Variants in FCRL1 observed in about 807,000 individuals in gnomAD.
The protein encoded by FCRL1 is Fc receptor-like protein 1.
FCRL1 carries 34 observed loss-of-function variants against 49.2 expected under a neutral mutation model. The observed-to-expected ratio is 0.69, with a 90% CI of 0.53 to 0.92. The LOEUF (loss-of-function observed/expected upper bound fraction) is 0.92, where lower values mean the gene tolerates loss of function less well. Ranked by LOEUF, FCRL1 falls within the 40% of genes least tolerant of loss-of-function variation. The pLI is 0.00. For synonymous variants in FCRL1, 218 were observed against 201.6 expected (o/e 1.08, Z -0.69); for missense variants, 524 against 524.1 (o/e 1.00, Z 0.00).
chr1:157,812,027 C>T (rs1654393262), intron 1 of FCRL1, among the ~76,000 whole-genome samples: 1 of 152,170 alleles, frequency 6.6e-6, no homozygotes, highest in Non-Finnish European at 1.5e-5. Context: ...GCCTCCTTGG[C>T]ATATGACCCA....
Position 157,801,511 on chromosome 1 carries a change from C to A in FCRL1, c.953G>T (p.Gly318Val), listed in dbSNP as rs1267108868. The change falls in exon 6 of 11, where the codon GGT (glycine) becomes GTT (valine). Residue 318 changes from glycine (G) to valine (V), a missense_variant. Gly to Val is a moderately radical substitution (Grantham distance 109). Coordinates refer to ENST00000368176, the MANE Select transcript of FCRL1 (RefSeq NM_052938.5). ...GVIEGLLSTL[G>V]PATVALLFCY... ...AAATAATAAGGCCACGGTGGCTGGA[C>A]CAAGGGTGCTGAGCAGCCCCTCAAT... 6.2e-7 allele frequency: 1 copy of A among 1,614,056 alleles called. No individual in the cohort carries two copies. The highest frequency in any genetic ancestry group is 8.5e-7 in the Non-Finnish European group (1 of 1,179,986).
intron 1 of FCRL1, among the ~76,000 whole-genome samples, chr1:157,814,716 T>C (rs1654797698): frequency 6.6e-6 from 1 of 151,938 alleles, no homozygotes; most frequent in Non-Finnish European, 1.5e-5. Context: ...ATATTCTGCC[T>C]ACAAGAAACT....
Position 157,797,865 on chromosome 1 carries a change from C to T in FCRL1, c.1186+3G>A. ...GAGACAAATTTACTCCCCCATGTCT[C>T]ACCTGCTACTGATTCCTGCTCCGGC... On this transcript the variant is annotated splice_donor_region_variant and intron_variant, in intron 9 of 10. Coordinates refer to ENST00000368176, the MANE Select transcript of FCRL1 (RefSeq NM_052938.5). The T allele has an allele frequency of 1.2e-6, 2 of 1,614,196 alleles. No homozygotes were observed. Among genetic ancestry groups the T allele is most frequent in the Non-Finnish European group, 1.7e-6 (2 of 1,180,020 alleles).
At chr1:157,804,250 C>CA (rs964555772) in intron 2 of FCRL1, 139 bp from the exon 3 acceptor site, 10 of 977,158 alleles carry the variant, frequency 1.0e-5, no homozygotes, top group Non-Finnish European at 1.3e-5. Flanking sequence ...GTCTCCACCC[C>CA]CCCCCCAGTG....
chr1:157,796,025 G>T lies in FCRL1; in HGVS notation c.*74C>A. On this transcript the variant is annotated 3_prime_UTR_variant, in exon 11 of 11. Coordinates refer to ENST00000368176, the MANE Select transcript of FCRL1 (RefSeq NM_052938.5). The stretch of plus-strand genomic sequence containing the variant: ...GTATACTGGAAAGCTAATGCCCCAG[G>T]ATCTCTGAAGAACATATCAGGCCTG... The T allele has an allele frequency of 8.1e-7, 1 of 1,234,566 alleles. No individual in the cohort carries two copies. Among genetic ancestry groups the T allele is most frequent in the Non-Finnish European group, 1.2e-6 (1 of 835,076 alleles). The allele number at this position is 1,234,566 out of a possible 1,614,324, so 76.5% of individuals were successfully genotyped here.
intron 2 of FCRL1, among the ~76,000 whole-genome samples, chr1:157,804,731 G>C (rs1168138816): frequency 2.0e-5 from 3 of 152,122 alleles, no homozygotes; most frequent in Admixed American, 6.5e-5. Context: ...GAAATGCCCA[G>C]TACCCACCAT....
In FCRL1 at chr1:157,804,087, G is replaced by A. The variant is rs749979471; in HGVS notation, c.77C>T (p.Ser26Phe). Residue 26 changes from serine (S) to phenylalanine (F), a missense_variant, in exon 3 of 11, where the codon TCC becomes TTC. By Grantham distance (155) the Ser-to-Phe change is radical. Coordinates refer to ENST00000368176, the MANE Select transcript of FCRL1 (RefSeq NM_052938.5). ...PAELFLIASPSHPTEGSPVTL... is the reference protein window; with the variant it reads ...PAELFLIASPFHPTEGSPVTL... ...CACTGGGCTCCCCTCTGTGGGATGG[G>A]AGGGGCTGGCTATCAAAAACAGCTC... 5.0e-6 allele frequency: 8 copies of A among 1,614,196 alleles called. No individual in the cohort carries two copies. In the South Asian group the frequency reaches 8.8e-5, roughly 18 times the overall value.
Position 157,802,206 on chromosome 1 carries a change from G to A in FCRL1, c.608-13C>T, listed in dbSNP as rs1375664616. ...CGAGACACCGGGACTGAGGGAGACAGTAGACTGTAAGAGACAGTCTCTGAC... is the reference window on the plus strand; with the variant it reads ...CGAGACACCGGGACTGAGGGAGACAATAGACTGTAAGAGACAGTCTCTGAC... On this transcript the variant is annotated splice_polypyrimidine_tract_variant and intron_variant, in intron 4 of 10. Coordinates refer to ENST00000368176, the MANE Select transcript of FCRL1 (RefSeq NM_052938.5). The A allele has an allele frequency of 6.2e-7, 1 of 1,609,172 alleles. No individual in the cohort carries two copies. Among genetic ancestry groups the A allele is most frequent in the Admixed American group, 1.7e-5 (1 of 59,644 alleles).
chr1:157,802,700 G>A (rs757368383), intron 3 of FCRL1, 36 bp from the exon 4 acceptor site: 1 of 1,581,452 alleles, frequency 6.3e-7, no homozygotes, highest in Non-Finnish European at 8.6e-7. Context: ...AAGACCCTGT[G>A]CAGGGAGAGT....
At chr1:157,809,580 C>G (rs961143326) in intron 1 of FCRL1, among the ~76,000 whole-genome samples, 6 of 152,188 alleles carry the variant, frequency 3.9e-5, no homozygotes, top group Non-Finnish European at 8.8e-5. Context: ...TCCTAAGTAG[C>G]TGGGATTACA....
At chr1:157,801,364 C>T (rs949760306) in intron 6 of FCRL1, 97 bp downstream of exon 6, 3 of 804,780 alleles carry the variant, frequency 3.7e-6, no homozygotes, top group African/African-American at 1.7e-5. Context: ...GTGTTAACAG[C>T]ATATACATCT....
rs200709741 is a variant in FCRL1, at chr1:157,820,069, G to A, written c.-32C>T. On this transcript the variant is annotated 5_prime_UTR_variant, in exon 1 of 11. Coordinates refer to ENST00000368176, the MANE Select transcript of FCRL1 (RefSeq NM_052938.5). ...CAGGTCAGGGATGGTACCTAGAGAT[G>A]CCTCTCATCAAAAAAAGAATGCACC... 2.5e-5 allele frequency: 41 copies of A among 1,613,786 alleles called. No homozygotes were observed. The African/African-American group carries it at 4.8e-4, about 19-fold the overall frequency.
chr1:157,813,113 T>C (rs528729179), intron 1 of FCRL1, among the ~76,000 whole-genome samples: 1 of 152,270 alleles, frequency 6.6e-6, no homozygotes, highest in South Asian at 2.1e-4. Context: ...CAGGTGAAAG[T>C]CTTTTCTTAC....
chr1:157,801,783 T>A, intron 5 of FCRL1, 132 bp downstream of exon 5: 2 of 1,106,104 alleles, frequency 1.8e-6, no homozygotes, highest in Non-Finnish European at 1.3e-6. Context: ...AATACATCAC[T>A]CATGACAGCA....
chr1:157,802,036 G>A lies in FCRL1; in HGVS notation c.765C>T (p.Pro255=), dbSNP rs757614451. The change falls in exon 5 of 11, where the codon CCC becomes CCT. Residue 255 remains proline (P), a synonymous_variant. Coordinates refer to ENST00000368176, the MANE Select transcript of FCRL1 (RefSeq NM_052938.5). The stretch of plus-strand genomic sequence containing the variant: ...GGTTGAAGGAGGCTCCTCCTCCAGA[G>A]GGGGCCGACCTGCTCCCCAGGGTGA... ...EDITLGSRSA[P]SGGGASFNLS... The A allele has an allele frequency of 1.9e-6, 3 of 1,614,232 alleles. No individual in the cohort carries two copies. The highest frequency in any genetic ancestry group is 2.5e-6 in the Non-Finnish European group (3 of 1,180,036).
In FCRL1 at chr1:157,802,633, A is replaced by G; in HGVS notation, c.351T>C (p.Thr117=). The G allele has an allele frequency of 6.2e-7, 1 of 1,613,910 alleles. No individual in the cohort carries two copies. Among genetic ancestry groups the G allele is most frequent in the Non-Finnish European group, 8.5e-7 (1 of 1,179,922 alleles). Residue 117 remains threonine (T), a synonymous_variant, in exon 4 of 11, where the codon ACT becomes ACC. Transcript: ENST00000368176. ...RVPVADVSLE[T]QPPGGQVMEG... is the part of the protein sequence containing the mutation. ...CCATCACCTGTCCTCCTGGGGGCTG[A>G]GTCTCCAAGCTCACATCAGCGACAG... is the stretch of plus-strand genomic sequence containing the variant.
intron 10 of FCRL1, among the ~76,000 whole-genome samples, chr1:157,796,560 T>C (rs1651523044): frequency 6.6e-6 from 1 of 152,210 alleles, no homozygotes; most frequent in South Asian, 2.1e-4. Context: ...CACACCACAC[T>C]AGACAAAACT....
At position 157,803,960 on chromosome 1, in the gene FCRL1, G is replaced by T; in HGVS notation, c.204C>A (p.Ser68=). 1 of 1,614,202 alleles carries T rather than the reference G, an allele frequency of 6.2e-7. No individual in the cohort carries two copies. The stretch of plus-strand genomic sequence containing the variant: ...ACATGGCAGCGATCTGGAGCTTGGG[G>T]GAGCTGCTCCAGCCTGGGCCCAAGG... ...TRALGPGWSS[S]PKLQIAAMWK... The change falls in exon 3 of 11, where the codon TCC becomes TCA. Residue 68 remains serine (S), a synonymous_variant. Coordinates refer to ENST00000368176, the MANE Select transcript of FCRL1 (RefSeq NM_052938.5).
intron 2 of FCRL1, among the ~76,000 whole-genome samples, chr1:157,804,747 C>T (rs559606122): frequency 7.1e-4 from 108 of 152,340 alleles, no homozygotes; most frequent in Admixed American, 1.2e-3. Flanking sequence ...ACCATCCACA[C>T]AGCTTCTTTA....
Sources: gnomAD v4.1 joint callset for allele counts (sites outside exome capture counted in the v4.1 genomes callset) on GRCh38, gnomAD v4.1.1 for gene constraint, MANE v1.5 for transcripts, NCBI Gene and HGNC (gene_info 2026-07-23, HGNC 2026-07-21) for gene names.